Variants in NOP58 observed in about 807,000 individuals in gnomAD.
The protein encoded by NOP58 is nucleolar protein 58.
A neutral mutation model predicts 71.2 loss-of-function variants in NOP58; 44 were observed. The observed-to-expected ratio is 0.62, with a 90% CI of 0.49 to 0.79. NOP58 has a LOEUF of 0.79. Among genes scored for constraint, NOP58 ranks in the 30% least tolerant of loss-of-function variants. NOP58 has a pLI of 0.00. For synonymous variants in NOP58, 228 were observed against 200.3 expected, an observed-to-expected ratio of 1.14 and a Z score of -1.17; for missense variants, 538 against 620.2, an observed-to-expected ratio of 0.87 and a Z score of 1.41.
At chr2:202,288,721 A>G (rs1039349291) in intron 6 of NOP58, among the ~76,000 whole-genome samples, 9 of 152,106 alleles carry the variant, frequency 5.9e-5, no homozygotes, top group Non-Finnish European at 1.2e-4. Flanking sequence ...AGGCTGAGGC[A>G]GGAGAATCAC....
chr2:202,295,409 C>T (rs928710493), intron 9 of NOP58, among the ~76,000 whole-genome samples: 39 of 152,256 alleles, frequency 2.6e-4, no homozygotes, highest in African/African-American at 9.4e-4. Context: ...ATAGTACTGC[C>T]ATCTCTCAGG....
At position 202,291,283 on chromosome 2, in the gene NOP58, C is replaced by G. The variant is rs779726608; in HGVS notation, c.780+13C>G. 2 of 1,587,914 alleles carry G rather than the reference C, an allele frequency of 1.3e-6. No individual in the cohort carries two copies. Among genetic ancestry groups the G allele is most frequent in the South Asian group, 2.3e-5 (2 of 85,798 alleles). On this transcript the variant is annotated intron_variant, in intron 8 of 14. Transcript: ENST00000264279. ...TCTTTGCACCCAGGTAAATTTTACT[C>G]CTGGAGAATCTAGTTGTGGTGTTAC...
chr2:202,273,520 A>G (rs1469412721), intron 1 of NOP58, among the ~76,000 whole-genome samples: 3 of 152,264 alleles, frequency 2.0e-5, no homozygotes, highest in African/African-American at 7.2e-5. Context: ...AATAGTATAC[A>G]ACTATTACCA....
chr2:202,300,235 G>A lies in NOP58; in HGVS notation c.1270G>A (p.Glu424Lys). 2 of 1,576,292 alleles carry A rather than the reference G, an allele frequency of 1.3e-6. No individual in the cohort carries two copies. The highest frequency in any genetic ancestry group is 1.2e-5 in the South Asian group (1 of 83,362). Residue 424 changes from glutamate (E) to lysine (K), a missense_variant and splice_region_variant, in exon 13 of 15, where the codon GAA becomes AAA. Physicochemically the swap from Glu to Lys is moderately conservative, Grantham distance 56 (BLOSUM62 1). Coordinates refer to ENST00000264279, the MANE Select transcript of NOP58 (RefSeq NM_015934.5). ...TCTAAAACTTTTTGGGTCTTTCAGT[G>A]AAGTGAAGACTTACGATCCTTCTGG... The part of the protein sequence containing the change: ...AKTEKYEHKS[E>K]VKTYDPSGDS...
At chr2:202,293,866 C>T (rs182417844) in intron 9 of NOP58, among the ~76,000 whole-genome samples, 77 of 152,024 alleles carry the variant, frequency 5.1e-4, no homozygotes, top group Admixed American at 1.6e-3. Flanking sequence ...TGAGCCACTG[C>T]GCCCGGCCTG....
intron 12 of NOP58, among the ~76,000 whole-genome samples, chr2:202,299,497 G>A (rs191287522): frequency 6.6e-6 from 1 of 152,072 alleles, no homozygotes; most frequent in East Asian, 1.9e-4. Flanking sequence ...TGACAAACAT[G>A]GTTCTTTGTT....
At position 202,273,832 on chromosome 2, in the gene NOP58, A is replaced by G. The variant is rs547757270; in HGVS notation, c.46-1281A>G. 6.9e-4 allele frequency among the ~76,000 whole-genome samples: 105 copies of G among 152,092 alleles called. 1 individual carries two copies. The highest frequency in any genetic ancestry group is 2.2e-3 in the African/African-American group (92 of 41,498). Reference sequence around the variant, plus strand: ...GTGGTGCGTGCCTGTAATCCCAGCTATTCAGGAGACTGAGGCAGGAGAATC... The same window carrying G: ...GTGGTGCGTGCCTGTAATCCCAGCTGTTCAGGAGACTGAGGCAGGAGAATC... On this transcript the variant is annotated intron_variant, in intron 1 of 14. Transcript: ENST00000264279.
chr2:202,284,505 T>C, intron 5 of NOP58, 24 bp downstream of exon 5: 1 of 1,608,130 alleles, frequency 6.2e-7, no homozygotes, highest in Non-Finnish European at 8.5e-7. Context: ...GAAAATAAAG[T>C]CAACTTACTT....
intron 1 of NOP58, among the ~76,000 whole-genome samples, chr2:202,267,945 A>C (rs1276802934): frequency 1.3e-5 from 2 of 152,192 alleles, no homozygotes; most frequent in Non-Finnish European, 2.9e-5. Context: ...CCTAGTACTA[A>C]AGAAATAACT....
intron 13 of NOP58, among the ~76,000 whole-genome samples, chr2:202,301,428 C>T (rs1489166673): frequency 6.6e-6 from 1 of 152,132 alleles, no homozygotes; most frequent in Non-Finnish European, 1.5e-5. Flanking sequence ...TGTGATCCAC[C>T]CACTCCGGCC....
At chr2:202,268,892 G>C (rs1191346089) in intron 1 of NOP58, among the ~76,000 whole-genome samples, 3 of 152,120 alleles carry the variant, frequency 2.0e-5, no homozygotes, top group Non-Finnish European at 4.4e-5. Context: ...ACAGGCGTGA[G>C]CCACTGCACC....
intron 9 of NOP58, among the ~76,000 whole-genome samples, chr2:202,295,003 A>G (rs972228859): frequency 6.6e-6 from 1 of 151,926 alleles, no homozygotes; most frequent in African/African-American, 2.4e-5. Context: ...ATTTTTGTGC[A>G]TTGGTTACTT....
At chr2:202,293,988 G>A (rs527268795) in intron 9 of NOP58, among the ~76,000 whole-genome samples, 5 of 152,134 alleles carry the variant, frequency 3.3e-5, no homozygotes, top group Admixed American at 3.3e-4. Flanking sequence ...AGCTAAACTT[G>A]TAGCAGTAAG....
rs542006910 is a variant in NOP58, at chr2:202,281,636, C to T, written c.176-715C>T. On this transcript the variant is annotated intron_variant, in intron 3 of 14. Transcript: ENST00000264279. ...TGTATTTTTAGTAGAGACAGGGTTT[C>T]GCCGTGTTGGCCAGGCTGGTGGTAC... Among the ~76,000 whole-genome samples, 13 of 152,214 alleles carry T rather than the reference C, an allele frequency of 8.5e-5. No homozygotes were observed. The East Asian group carries it at 1.2e-3, about 14-fold the overall frequency.
At chr2:202,271,128 C>T (rs1013713242) in intron 1 of NOP58, among the ~76,000 whole-genome samples, 1 of 151,898 alleles carries the variant, frequency 6.6e-6, no homozygotes, top group Non-Finnish European at 1.5e-5. Context: ...TTCCATATAC[C>T]CTCACCAATA....
chr2:202,266,887 G>A (rs1222229623), intron 1 of NOP58, among the ~76,000 whole-genome samples: 1 of 152,172 alleles, frequency 6.6e-6, no homozygotes, highest in Non-Finnish European at 1.5e-5. Flanking sequence ...AAAGATTTCC[G>A]GTTTGGGCTG....
In NOP58 at chr2:202,297,512, G is replaced by A; in HGVS notation, c.1205G>A (p.Gly402Glu). ...EARLRTLEDR[G>E]IRKISGTGKA... ...AGGTTGAGAACTTTGGAAGACAGAG[G>A]GGTAAGAACTACATCATGCCTATTC... Residue 402 changes from glycine to glutamate, a missense_variant and splice_region_variant, in exon 11 of 15, where the codon GGG becomes GAG. Coordinates refer to ENST00000264279, the MANE Select transcript of NOP58 (RefSeq NM_015934.5). The A allele has an allele frequency of 2.5e-6, 4 of 1,613,124 alleles. No individual in the cohort carries two copies. The highest frequency in any genetic ancestry group is 3.4e-6 in the Non-Finnish European group (4 of 1,179,548).
Position 202,282,837 on chromosome 2 carries a change from T to C in NOP58, c.297+365T>C, listed in dbSNP as rs10186301. Among the ~76,000 whole-genome samples, 1,046 of 152,212 alleles carry C rather than the reference T, an allele frequency of 6.9e-3. 15 individuals are homozygous for C. The highest frequency in any genetic ancestry group is 0.024 in the African/African-American group (988 of 41,524). ...AATATATTTATTAGAAAACTTTTAG[T>C]AGGGGTGTATTGCTGGAGATGAAAT... is the stretch of plus-strand genomic sequence containing the variant. On this transcript the variant is annotated intron_variant, in intron 4 of 14. Coordinates refer to ENST00000264279, the MANE Select transcript of NOP58 (RefSeq NM_015934.5).
At chr2:202,281,670 A>G (rs1688707718) in intron 3 of NOP58, among the ~76,000 whole-genome samples, 1 of 152,204 alleles carries the variant, frequency 6.6e-6, no homozygotes, top group Non-Finnish European at 1.5e-5. Context: ...ACACACCACC[A>G]TGCCTGGGTA....
Sources: allele counts gnomAD v4.1 joint callset (sites outside exome capture counted in the v4.1 genomes callset), GRCh38; gene constraint gnomAD v4.1.1; transcripts MANE v1.5; gene names NCBI Gene and HGNC (gene_info 2026-07-23, HGNC 2026-07-21).